Variants in ALOX15 observed in about 807,000 individuals in gnomAD.
ALOX15 encodes the protein polyunsaturated fatty acid lipoxygenase ALOX15.
A neutral mutation model predicts 71.7 loss-of-function variants in ALOX15; 68 were observed. The observed-to-expected ratio is 0.95, with a 90% CI of 0.78 to 1.16. The LOEUF is 1.16. Ranked by LOEUF, ALOX15 falls within the 50% of genes most tolerant of loss-of-function variation. The probability of loss-of-function intolerance (pLI) is 0.00; values close to 1 mark genes in which losing one functional copy is unlikely to be tolerated. For missense variants in ALOX15, 798 were observed against 818.8 expected (o/e 0.97, Z 0.31); for synonymous variants, 346 against 333.3 (o/e 1.04, Z -0.42).
intron 6 of ALOX15, among the ~76,000 whole-genome samples, 161 bp from the exon 7 acceptor site, chr17:4,637,419 T>TA (rs1911135968): frequency 1.3e-5 from 2 of 151,876 alleles, no homozygotes; most frequent in Non-Finnish European, 2.9e-5. Flanking sequence ...TTTTTTTTTT[T>TA]AATCAGGGTC....
chr17:4,636,033 C>G, intron 7 of ALOX15, 65 bp from the exon 8 acceptor site: 4 of 1,532,630 alleles, frequency 2.6e-6, no homozygotes, highest in Non-Finnish European at 3.6e-6. Flanking sequence ...TTCCCGCCCC[C>G]CTTGCATGTT....
In ALOX15 at chr17:4,631,240, C is replaced by CA. The variant is rs149949350; in HGVS notation, c.*359dup. The CA allele has an allele frequency of 1.0e-5, 2 of 200,514 alleles. No individual in the cohort carries two copies. Among genetic ancestry groups the CA allele is most frequent in the Non-Finnish European group, 2.0e-5 (2 of 98,194 alleles). 12.4% of individuals were successfully genotyped at this position (200,514 alleles called of 1,614,324 possible). A position where few individuals can be genotyped will look rare whatever the true frequency, so the allele number is the denominator to read the frequency against. Reference sequence around the variant, plus strand: ...AAGTGAGACTCTGTCTTAACAACAACAAAAAAATCATATTTGATTCATAAA... The same window carrying CA: ...AAGTGAGACTCTGTCTTAACAACAACAAAAAAAATCATATTTGATTCATAAA... On this transcript the variant is annotated 3_prime_UTR_variant, in exon 14 of 14. Transcript: ENST00000293761.
At chr17:4,637,332 G>A in intron 6 of ALOX15, 74 bp from the exon 7 acceptor site, 2 of 1,503,798 alleles carry the variant, frequency 1.3e-6, no homozygotes, top group Non-Finnish European at 9.0e-7. Flanking sequence ...CTCCAAGGGG[G>A]AAGAGAGTGG....
At position 4,637,228 on chromosome 17, in the gene ALOX15, G is replaced by T. The variant is rs1315573255; in HGVS notation, c.838C>A (p.Leu280Met). 1 of 1,613,702 alleles carries T rather than the reference G, an allele frequency of 6.2e-7. No homozygotes were observed. The highest frequency in any genetic ancestry group is 8.5e-7 in the Non-Finnish European group (1 of 1,179,718). ...GGTLFEADFS[L>M]LDGIKANVIL... ...ACGTTGGCCTTGATCCCATCCAGCA[G>T]GGAGAAGTCAGCTTCGAACAGTGTG... The change falls in exon 7 of 14, where the codon CTG becomes ATG. Residue 280 changes from leucine (L) to methionine (M), a missense_variant. Coordinates refer to ENST00000293761, the MANE Select transcript of ALOX15 (RefSeq NM_001140.5).
rs11568129 is a variant in ALOX15 at position 4,632,006 on chromosome 17, G to A, written c.1692C>T (p.Pro564=). Residue 564 remains proline (P), a synonymous_variant, in exon 13 of 14, where the codon CCC becomes CCT. Transcript: ENST00000293761. Reference sequence around the variant, plus strand: ...GCGTTGCATCCTTGGTGGTTGGCGGGGGCAGCCGCATCGTGCAGGGTGCAT... The same window carrying A: ...GCGTTGCATCCTTGGTGGTTGGCGGAGGCAGCCGCATCGTGCAGGGTGCAT... ...VPNAPCTMRL[P]PPTTKDATLE... 10,879 of 1,613,848 alleles carry A rather than the reference G, an allele frequency of 6.7e-3. 629 individuals carry two copies. The African/African-American group carries it at 0.13, about 19-fold the overall frequency.
rs2150537666 is a variant in ALOX15, at chr17:4,638,598, C to T, written c.629G>A (p.Gly210Asp). Residue 210 changes from glycine (G) to aspartate (D), a missense_variant, in exon 5 of 14, where the codon GGT becomes GAT. By Grantham distance (94) the Gly-to-Asp change is moderately conservative. Transcript: ENST00000293761. The stretch of plus-strand genomic sequence containing the variant: ...GGACTGACCAGCCAGCTTGCTCTGA[C>T]CACACCAGAAAATCCGGTTGAAGTC... ...LDDFNRIFWCGQSKLAERVRD... is the reference protein window; with the variant it reads ...LDDFNRIFWCDQSKLAERVRD... The T allele has an allele frequency of 6.2e-7, 1 of 1,614,120 alleles. No homozygotes were observed. The highest frequency in any genetic ancestry group is 2.2e-5 in the East Asian group (1 of 44,880).
At chr17:4,635,418 G>C (rs1209181409) in intron 8 of ALOX15, among the ~76,000 whole-genome samples, 2 of 144,084 alleles carry the variant, frequency 1.4e-5, no homozygotes, top group African/African-American at 5.1e-5. Context: ...TGGGCAAAGG[G>C]AGACTCCATC....
intron 8 of ALOX15, among the ~76,000 whole-genome samples, chr17:4,634,293 T>C (rs944330964): frequency 6.6e-6 from 1 of 152,156 alleles, no homozygotes; most frequent in African/African-American, 2.4e-5. Flanking sequence ...TTGAAAGAAA[T>C]CATTCTTTGT....
chr17:4,633,682 T>C (rs2150535314), intron 8 of ALOX15, among the ~76,000 whole-genome samples, 182 bp from the exon 9 acceptor site: 1 of 152,282 alleles, frequency 6.6e-6, no homozygotes, highest in Non-Finnish European at 1.5e-5. Context: ...CATTACTGGA[T>C]ATATACCTCC....
At chr17:4,636,154 A>T (rs1419746978) in intron 7 of ALOX15, among the ~76,000 whole-genome samples, 186 bp from the exon 8 acceptor site, 2 of 151,624 alleles carry the variant, frequency 1.3e-5, no homozygotes, top group Non-Finnish European at 2.9e-5. Context: ...GTGCATTAGC[A>T]CCCTGCAAGC....
chr17:4,641,394 C>T, intron 1 of ALOX15, 123 bp downstream of exon 1: 1 of 1,427,520 alleles, frequency 7.0e-7, no homozygotes, highest in African/African-American at 1.4e-5. Context: ...GCTTTGAGCC[C>T]AATGCGCGGG....
rs750370297 is a variant in ALOX15 at position 4,639,457 on chromosome 17, C to T, written c.310G>A (p.Gly104Ser). Residue 104 changes from glycine (G) to serine (S), a missense_variant, in exon 2 of 14, where the codon GGC becomes AGC. Physicochemically the swap from Gly to Ser is moderately conservative, Grantham distance 56. This residue lies in a region of ALOX15 where 300 missense variants were observed against 283.1 expected (regional missense o/e 1.06). Transcript: ENST00000293761. ...FPCYRWVEGN[G>S]VLSLPEGTGR... ...GTGCCTTCAGGCAGGCTCAGGACGC[C>T]GTTGCCCTCCACCCAGCGGTAACAA... The T allele has an allele frequency of 5.0e-6, 8 of 1,613,556 alleles. No homozygotes were observed. In the South Asian group the frequency reaches 5.5e-5, roughly 11 times the overall value.
At chr17:4,641,212 C>T (rs1911313519) in intron 1 of ALOX15, among the ~76,000 whole-genome samples, 1 of 151,470 alleles carries the variant, frequency 6.6e-6, no homozygotes, top group Non-Finnish European at 1.5e-5. Flanking sequence ...GCGAGAGGAC[C>T]GACGGCGGCT....
In ALOX15 at chr17:4,631,903, G is replaced by A. The variant is rs377228606; in HGVS notation, c.1795C>T (p.Arg599Cys). The A allele has an allele frequency of 1.7e-5, 27 of 1,612,200 alleles. No individual in the cohort carries two copies. Among genetic ancestry groups the A allele is most frequent in the Admixed American group, 3.3e-5 (2 of 59,898 alleles). Reference sequence around the variant, plus strand: ...TCAGCTCTCACCATAACGGGCTGGCGTCTGCCCAGCTGCCAAGTGATGGAC... The same window carrying A: ...TCAGCTCTCACCATAACGGGCTGGCATCTGCCCAGCTGCCAAGTGATGGAC... ...QMSITWQLGR[R>C]QPVMVAVGQH... Residue 599 changes from arginine (R) to cysteine (C), a missense_variant, in exon 13 of 14, where the codon CGC becomes TGC. By Grantham distance (180) the Arg-to-Cys change is radical. This residue lies in a region of ALOX15 where 490 missense variants were observed against 509.4 expected (regional missense o/e 0.96). Coordinates refer to ENST00000293761, the MANE Select transcript of ALOX15 (RefSeq NM_001140.5).
chr17:4,638,500 G>A (rs1201839034), intron 5 of ALOX15, 81 bp downstream of exon 5: 13 of 1,417,898 alleles, frequency 9.2e-6, no homozygotes, highest in Non-Finnish European at 1.2e-5. Context: ...TCCCCACCCT[G>A]CTTCTTTCAA....
intron 7 of ALOX15, among the ~76,000 whole-genome samples, chr17:4,636,837 C>T (rs1159343471): frequency 6.6e-6 from 1 of 152,042 alleles, no homozygotes; most frequent in African/African-American, 2.4e-5. Context: ...AGACCTGGCC[C>T]TCCTCCAAAG....
chr17:4,641,028 C>G lies in ALOX15; in HGVS notation c.135+489G>C, dbSNP rs370124236. Among the ~76,000 whole-genome samples the G allele has an allele frequency of 2.4e-3, 356 of 150,276 alleles. 7 individuals carry two copies. The highest frequency in any genetic ancestry group is 0.01 in the Middle Eastern group (3 of 286). ...AAAGTTAACAGGACCGGGTAGAACA[C>G]CCGGTAGATGTGACATGAGATATGA... On this transcript the variant is annotated intron_variant, in intron 1 of 13. Transcript: ENST00000293761.
Position 4,637,210 on chromosome 17 carries a change from C to T in ALOX15, c.856G>A (p.Ala286Thr), listed in dbSNP as rs1417579437. 1 of 1,613,918 alleles carries T rather than the reference C, an allele frequency of 6.2e-7. No individual in the cohort carries two copies. The change falls in exon 7 of 14, where the codon GCC becomes ACC. Residue 286 changes from alanine to threonine, a missense_variant. Transcript: ENST00000293761. The part of the protein sequence containing the change: ...ADFSLLDGIK[A>T]NVILCSQQHL... ...TGCTGGCTACAGAGAATGACGTTGG[C>T]CTTGATCCCATCCAGCAGGGAGAAG... is the stretch of plus-strand genomic sequence containing the variant.
Position 4,632,962 on chromosome 17 carries a change from C to T in ALOX15, c.1439G>A (p.Ser480Asn), listed in dbSNP as rs779272774. The T allele has an allele frequency of 1.4e-5, 22 of 1,614,034 alleles. No individual in the cohort carries two copies. The highest frequency in any genetic ancestry group is 1.7e-5 in the Non-Finnish European group (20 of 1,180,022). ...AGCCACGTCTGTCTTATAGTGGAGA[C>T]TCACGATTCCTTCCACATACCTACC... is the stretch of plus-strand genomic sequence containing the variant. ...IIYRYVEGIV[S>N]LHYKTDVAVK... Residue 480 changes from serine (S) to asparagine (N), a missense_variant, in exon 11 of 14, where the codon AGT (serine) becomes AAT (asparagine). Transcript: ENST00000293761.
Sources: gnomAD v4.1 joint callset for allele counts (sites outside exome capture counted in the v4.1 genomes callset) on GRCh38, gnomAD v4.1.1 for gene constraint, gnomAD v4.1.1 regional missense constraint, MANE v1.5 for transcripts, NCBI Gene and HGNC (gene_info 2026-07-23, HGNC 2026-07-21) for gene names.